The following FAAH2 variants were observed in gnomAD, a reference collection of about 807,000 sequenced individuals.
FAAH2 encodes the protein fatty acid amide hydrolase 2.
FAAH2 carries 60 observed loss-of-function variants against 36.9 expected under a neutral mutation model. That is an observed-to-expected ratio of 1.63 (90% CI 1.32 to 2.02). FAAH2 has a LOEUF of 2.02. FAAH2 is among the 30% of genes most tolerant of loss of function. The pLI is 0.00. For synonymous variants in FAAH2, 214 were observed against 143.8 expected (o/e 1.49, Z -3.49); for missense variants, 689 against 397.5 (o/e 1.73, Z -6.23).
the FAAH2 span, among the ~76,000 whole-genome samples, chrX:57,145,105 T>C: frequency 8.9e-6 from 1 of 112,024 alleles, no homozygotes; most frequent in South Asian, 3.7e-4. Context: ...ATGTTAGTTC[T>C]ACTTTTAGTT....
the FAAH2 span, among the ~76,000 whole-genome samples, chrX:57,244,762 C>G: frequency 8.9e-6 from 1 of 111,769 alleles, no homozygotes; most frequent in Non-Finnish European, 1.9e-5. Context: ...CTGGAACCAG[C>G]CACTGCAAAA....
intron 10 of FAAH2, among the ~76,000 whole-genome samples, chrX:57,487,101 C>A (rs1490757110): frequency 9.0e-6 from 1 of 110,919 alleles, no homozygotes; most frequent in African/African-American, 3.3e-5. Flanking sequence ...AAAGTTGGAG[C>A]CTTTCCACAC....
upstream of FAAH2, among the ~76,000 whole-genome samples, chrX:57,284,242 T>C (rs760689255): frequency 9.0e-6 from 1 of 111,269 alleles, no homozygotes; most frequent in East Asian, 2.9e-4. Flanking sequence ...GGCATGGTGG[T>C]GGGTGCTTAT....
At chrX:57,421,034 T>C (rs1201363552) in intron 7 of FAAH2, among the ~76,000 whole-genome samples, 1 of 112,514 alleles carries the variant, frequency 8.9e-6, no homozygotes, top group Non-Finnish European at 1.9e-5. Context: ...TCAACCTGCA[T>C]TATTTCCCCT....
chrX:57,185,962 A>T, the FAAH2 span, among the ~76,000 whole-genome samples: 1 of 111,674 alleles, frequency 9.0e-6, no homozygotes, highest in Non-Finnish European at 1.9e-5. Flanking sequence ...TATCTAGTCT[A>T]TCATTGATGG....
chrX:57,316,351 A>G (rs752324827), intron 3 of FAAH2, among the ~76,000 whole-genome samples: 18 of 111,994 alleles, frequency 1.6e-4, no homozygotes, highest in Non-Finnish European at 3.8e-5. Context: ...TACCAAAGAC[A>G]TTTTTCAAAG....
chrX:57,213,794 T>C, the FAAH2 span, among the ~76,000 whole-genome samples: 1 of 111,918 alleles, frequency 8.9e-6, no homozygotes, highest in Non-Finnish European at 1.9e-5. Context: ...TAAGAATGTA[T>C]ATTCTGCAGC....
chrX:57,393,772 C>T lies in FAAH2; in HGVS notation c.996+12743C>T, dbSNP rs748731661. ...TGGCCACAGAGATATCAAAGTGGAC[C>T]GTCTGTGTGTGACTTTTCTTCGTTG... is the stretch of plus-strand genomic sequence containing the variant. On this transcript the variant is annotated intron_variant, in intron 7 of 10. Transcript: ENST00000374900. The T allele has an allele frequency of 2.9e-5, 27 of 930,398 alleles. No individual in the cohort carries two copies. The South Asian group carries it at 2.9e-4, about 10-fold the overall frequency. The allele number at this position is 930,398 out of a possible 1,213,427, so 76.7% of individuals were successfully genotyped here. A position where few individuals can be genotyped will look rare whatever the true frequency, so the allele number is the denominator to read the frequency against.
chrX:57,339,308 A>C (rs1360104156), intron 4 of FAAH2, among the ~76,000 whole-genome samples: 1 of 112,364 alleles, frequency 8.9e-6, no homozygotes, highest in Non-Finnish European at 1.9e-5. Context: ...AACTATAAAA[A>C]TTTTAGAAGA....
At chrX:57,208,951 G>T in the FAAH2 span, among the ~76,000 whole-genome samples, 2 of 111,884 alleles carry the variant, frequency 1.8e-5, no homozygotes, top group South Asian at 3.7e-4. Context: ...TTCAGCGTGG[G>T]TGTCATGGCC....
intron 7 of FAAH2, chrX:57,394,991 C>T (rs2055258955): frequency 1.8e-6 from 1 of 568,558 alleles, no homozygotes; most frequent in African/African-American, 2.2e-5. Flanking sequence ...AGGAATGAAA[C>T]AGTCATTTAG....
chrX:57,319,813 CA>C (rs1011773568), intron 3 of FAAH2, among the ~76,000 whole-genome samples: 1 of 111,480 alleles, frequency 9.0e-6, no homozygotes, highest in African/African-American at 3.3e-5. Context: ...GTAGTGGAAC[CA>C]AAACAGAGAT....
chrX:57,309,774 AG>A (rs1375225008), intron 2 of FAAH2, among the ~76,000 whole-genome samples: 1 of 111,742 alleles, frequency 8.9e-6, no homozygotes, highest in African/African-American at 3.3e-5. Context: ...GTCCCTGAAA[AG>A]AATATGATCT....
intron 5 of FAAH2, among the ~76,000 whole-genome samples, chrX:57,358,275 A>G: frequency 9.0e-6 from 1 of 110,758 alleles, no homozygotes; most frequent in Non-Finnish European, 1.9e-5. Context: ...ATTTGGGCAC[A>G]ATACTTTACA....
At chrX:57,252,811 C>A in the FAAH2 span, among the ~76,000 whole-genome samples, 1 of 112,426 alleles carries the variant, frequency 8.9e-6, no homozygotes, top group African/African-American at 3.2e-5. Context: ...TGGGAAGAAA[C>A]CAGAGCAGAA....
chrX:57,318,807 G>C (rs1367319497), intron 3 of FAAH2, among the ~76,000 whole-genome samples: 6 of 111,612 alleles, frequency 5.4e-5, no homozygotes, highest in Non-Finnish European at 1.1e-4. Context: ...CAGTACATCA[G>C]AAAGTTCATC....
chrX:57,291,166 C>T (rs989339230), intron 1 of FAAH2, among the ~76,000 whole-genome samples: 19 of 111,550 alleles, frequency 1.7e-4, no homozygotes, highest in African/African-American at 6.2e-4. Context: ...GATATATCCT[C>T]ACTTTTTACT....
At chrX:57,394,464 G>A (rs769752879) in intron 7 of FAAH2, 29 of 1,200,923 alleles carry the variant, frequency 2.4e-5, no homozygotes, top group East Asian at 3.0e-5. Flanking sequence ...ATGGGCTTCG[G>A]TTTACAAGAT....
chrX:57,301,319 G>T (rs1360635468), intron 2 of FAAH2, among the ~76,000 whole-genome samples: 8 of 109,660 alleles, frequency 7.3e-5, no homozygotes, highest in Admixed American at 4.9e-4. Context: ...GTAGGGACAT[G>T]GATGAAGCTG....
Sources: allele counts gnomAD v4.1 joint callset (sites outside exome capture counted in the v4.1 genomes callset), GRCh38; gene constraint gnomAD v4.1.1; transcripts MANE v1.5; gene names NCBI Gene and HGNC (gene_info 2026-07-23, HGNC 2026-07-21).